Variants in ADGRL2 observed in about 807,000 individuals in gnomAD.
ADGRL2 encodes the protein adhesion G protein-coupled receptor L2.
Under a neutral mutation model 157.4 loss-of-function variants are expected in ADGRL2, and 44 were observed. The ratio of observed to expected loss-of-function variants is 0.28; its 90% confidence interval spans 0.22 to 0.36. The LOEUF (loss-of-function observed/expected upper bound fraction) is 0.36, where lower values mean the gene tolerates loss of function less well. Ranked by LOEUF, ADGRL2 falls within the 10% of genes least tolerant of loss-of-function variation. The pLI, the probability that ADGRL2 is intolerant of heterozygous loss-of-function variation, is 1.00. For synonymous variants in ADGRL2, 585 were observed against 624.7 expected (o/e 0.94, Z 0.95); for missense variants, 1,510 against 1,768.9 (o/e 0.85, Z 2.63).
intron 1 of ADGRL2, among the ~76,000 whole-genome samples, chr1:81,754,819 T>A (rs2085628839): frequency 6.6e-6 from 1 of 151,762 alleles, no homozygotes; most frequent in Admixed American, 6.6e-5. Context: ...TCTTTGTGCC[T>A]CTTTTTCTTC....
chr1:81,401,874 G>A (rs1009082089), intron 1 of ADGRL2, among the ~76,000 whole-genome samples: 1 of 152,072 alleles, frequency 6.6e-6, no homozygotes, highest in African/African-American at 2.4e-5. Flanking sequence ...TATATATTCT[G>A]TTTATATACC....
intron 1 of ADGRL2, among the ~76,000 whole-genome samples, chr1:81,332,918 T>A (rs1661368751): frequency 6.6e-6 from 1 of 152,208 alleles, no homozygotes; most frequent in South Asian, 2.1e-4. Flanking sequence ...CAAAAATGTA[T>A]CATAATAAGA....
intron 2 of ADGRL2, chr1:81,514,172 G>A (rs1557749167): frequency 6.6e-6 from 1 of 152,114 alleles, no homozygotes; most frequent in African/African-American, 2.4e-5. Flanking sequence ...GATTTGTCTG[G>A]AGGCTTAGTT....
At chr1:81,863,700 G>A (rs2093453308) in intron 2 of ADGRL2, among the ~76,000 whole-genome samples, 1 of 151,866 alleles carries the variant, frequency 6.6e-6, no homozygotes, top group African/African-American at 2.4e-5. Flanking sequence ...AAGAAACCAG[G>A]TATCATATAT....
At chr1:81,969,791 A>G (rs919664075) in intron 15 of ADGRL2, among the ~76,000 whole-genome samples, 1 of 152,172 alleles carries the variant, frequency 6.6e-6, no homozygotes, top group African/African-American at 2.4e-5. Flanking sequence ...TAGTTAGTTA[A>G]TGCTTCACCC....
At chr1:81,423,683 C>T (rs569749615) in intron 1 of ADGRL2, among the ~76,000 whole-genome samples, 14 of 152,074 alleles carry the variant, frequency 9.2e-5, no homozygotes, top group Non-Finnish European at 1.3e-4. Context: ...CATATATGTA[C>T]TGTATAAATA....
chr1:81,371,030 G>C (rs2076152221), intron 1 of ADGRL2, among the ~76,000 whole-genome samples: 2 of 152,044 alleles, frequency 1.3e-5, no homozygotes, highest in South Asian at 4.1e-4. Context: ...TATCTATTTA[G>C]GCCATGTGTA....
At chr1:81,698,329 A>C (rs115193988), upstream of ADGRL2, among the ~76,000 whole-genome samples, 718 of 152,298 alleles carry the variant, frequency 4.7e-3, 2 homozygotes, top group Middle Eastern at 0.014. Flanking sequence ...GCTCACATGT[A>C]TGTGCATACC....
chr1:81,638,957 T>TCACC (rs2082164856), intron 3 of ADGRL2, among the ~76,000 whole-genome samples: 1 of 152,168 alleles, frequency 6.6e-6, no homozygotes, highest in Non-Finnish European at 1.5e-5. Flanking sequence ...TGAGCCGTGA[T>TCACC]CACCCACTGC....
chr1:81,657,564 C>T lies in ADGRL2; in HGVS notation c.-143+76584C>T, dbSNP rs2082562455. ...AGAAGTAACACTTCTGCTCCCTTCC[C>T]ACTCCCTAGGCCCACAAATCTCACT... On this transcript the variant is annotated intron_variant, in intron 3 of 24. Transcript: ENST00000370721. Among the ~76,000 whole-genome samples, 2 of 152,106 alleles carry T rather than the reference C, an allele frequency of 1.3e-5. 1 individual carries two copies. The highest frequency in any genetic ancestry group is 4.1e-4 in the South Asian group (2 of 4,820).
chr1:81,730,506 T>C (rs911400192), intron 1 of ADGRL2, among the ~76,000 whole-genome samples: 2 of 152,112 alleles, frequency 1.3e-5, no homozygotes, highest in African/African-American at 4.8e-5. Context: ...GTGGATCACT[T>C]GAGGTCAGGA....
At chr1:81,819,705 G>A (rs909878705) in intron 1 of ADGRL2, among the ~76,000 whole-genome samples, 105 of 152,142 alleles carry the variant, frequency 6.9e-4, no homozygotes, top group African/African-American at 2.5e-3. Context: ...AAAAGCTATC[G>A]TAATCTGGTT....
intron 3 of ADGRL2, among the ~76,000 whole-genome samples, chr1:81,926,103 G>A (rs1333025406): frequency 6.6e-6 from 1 of 151,912 alleles, no homozygotes; most frequent in African/African-American, 2.4e-5. Flanking sequence ...GAAAAGAAGA[G>A]CCATAAGGGT....
At chr1:81,339,249 A>C (rs907120321) in intron 1 of ADGRL2, among the ~76,000 whole-genome samples, 1 of 152,238 alleles carries the variant, frequency 6.6e-6, no homozygotes, top group Non-Finnish European at 1.5e-5. Context: ...ACATCGTCAT[A>C]ATTAAGGAAA....
chr1:81,651,899 T>C (rs1356557477), intron 3 of ADGRL2, among the ~76,000 whole-genome samples: 2 of 152,052 alleles, frequency 1.3e-5, no homozygotes, highest in East Asian at 1.9e-4. Flanking sequence ...TTTTTTTTTA[T>C]TTTTTGTAGA....
At chr1:81,336,760 T>G (rs986276274) in intron 1 of ADGRL2, among the ~76,000 whole-genome samples, 1 of 152,034 alleles carries the variant, frequency 6.6e-6, no homozygotes, top group Non-Finnish European at 1.5e-5. Context: ...AAGAGGGCAG[T>G]CCCCGGTGAG....
chr1:81,950,922 A>G (rs1287134299), intron 7 of ADGRL2, 96 bp from the exon 8 acceptor site: 7 of 778,370 alleles, frequency 9.0e-6, no homozygotes, highest in Non-Finnish European at 1.6e-5. Flanking sequence ...AGTTTATTCA[A>G]AATTTAACAC....
chr1:81,336,637 G>A (rs1262818518), intron 1 of ADGRL2, among the ~76,000 whole-genome samples: 3 of 152,134 alleles, frequency 2.0e-5, no homozygotes, highest in Non-Finnish European at 4.4e-5. Flanking sequence ...AGCAGGGAGA[G>A]CACTCTGACT....
At chr1:81,878,812 T>A (rs1229146747) in intron 2 of ADGRL2, among the ~76,000 whole-genome samples, 4 of 152,168 alleles carry the variant, frequency 2.6e-5, no homozygotes, top group Non-Finnish European at 5.9e-5. Context: ...GTTTATAGTC[T>A]TGTCTTGAAC....
Sources: gnomAD v4.1 joint callset for allele counts (sites outside exome capture counted in the v4.1 genomes callset) on GRCh38, gnomAD v4.1.1 for gene constraint, MANE v1.5 for transcripts, NCBI Gene and HGNC (gene_info 2026-07-23, HGNC 2026-07-21) for gene names.